ZNF423: variants seen among roughly 807,000 people sequenced by gnomAD.
The protein encoded by ZNF423 is zinc finger protein 423, also known as Ebf-associated zinc finger protein.
In ZNF423, 12 loss-of-function variants were observed where a neutral mutation model predicts 95.8. The ratio of observed to expected loss-of-function variants is 0.13; its 90% CI spans 0.08 to 0.20. ZNF423 has a LOEUF of 0.20. Among genes scored for constraint, ZNF423 ranks in the 10% least tolerant of loss-of-function variants. ZNF423 has a pLI of 1.00. For missense variants in ZNF423, 1,316 were observed against 1,737.1 expected (o/e 0.76, Z 4.31); for synonymous variants, 749 against 711.9 (o/e 1.05, Z -0.83).
At chr16:49,625,412 C>T (rs1450949507) in intron 5 of ZNF423, among the ~76,000 whole-genome samples, 3 of 152,220 alleles carry the variant, frequency 2.0e-5, no homozygotes, top group Non-Finnish European at 4.4e-5. Context: ...ACTGCTCAGA[C>T]TAGAGTCTTG....
intron 1 of ZNF423, among the ~76,000 whole-genome samples, chr16:49,851,044 C>T (rs931337071): frequency 2.0e-5 from 3 of 152,212 alleles, no homozygotes; most frequent in African/African-American, 7.2e-5. Context: ...CCCTTTGGTA[C>T]CCTACAGACC....
At chr16:49,587,960 C>A (rs896677300) in intron 5 of ZNF423, among the ~76,000 whole-genome samples, 3 of 152,168 alleles carry the variant, frequency 2.0e-5, no homozygotes, top group Admixed American at 6.5e-5. Context: ...CCAGGACAGG[C>A]AATCACTTCC....
upstream of ZNF423, among the ~76,000 whole-genome samples, chr16:49,856,478 AT>A (rs1463327173): frequency 4.7e-5 from 7 of 150,436 alleles, no homozygotes; most frequent in South Asian, 1.3e-3. Flanking sequence ...ACAAAAAAAA[AT>A]AATAAATATT....
At chr16:49,607,983 C>T (rs1266839827) in intron 5 of ZNF423, among the ~76,000 whole-genome samples, 7 of 152,204 alleles carry the variant, frequency 4.6e-5, no homozygotes, top group Admixed American at 4.6e-4. Flanking sequence ...TAGCCCTAGG[C>T]ATCAATGACT....
At chr16:49,693,338 T>C (rs1368341587) in intron 3 of ZNF423, among the ~76,000 whole-genome samples, 2 of 152,184 alleles carry the variant, frequency 1.3e-5, no homozygotes, top group Admixed American at 6.5e-5. Flanking sequence ...AAACTGAGGC[T>C]AAGAGAATTA....
At chr16:49,815,880 AAAT>A (rs1161220288) in intron 1 of ZNF423, among the ~76,000 whole-genome samples, 8 of 63,836 alleles carry the variant, frequency 1.3e-4, no homozygotes, top group Non-Finnish European at 1.6e-4. Context: ...CAAAAAAAAA[AAAT>A]ATATATATAT....
chr16:49,620,132 TACACACACACACACACAC>T (rs56739115), intron 5 of ZNF423, among the ~76,000 whole-genome samples: 1 of 143,776 alleles, frequency 7.0e-6, no homozygotes, highest in African/African-American at 2.6e-5. Context: ...CTCTCTCTTC[TACACACACACACACACAC>T]ACACACACAC....
At chr16:49,838,489 G>A (rs1286059323) in intron 1 of ZNF423, among the ~76,000 whole-genome samples, 1 of 152,194 alleles carries the variant, frequency 6.6e-6, no homozygotes, top group Non-Finnish European at 1.5e-5. Context: ...GGATGTACCA[G>A]GGAATGGCCC....
chr16:49,752,623 C>T (rs901503730), intron 2 of ZNF423, among the ~76,000 whole-genome samples: 5 of 152,190 alleles, frequency 3.3e-5, no homozygotes, highest in African/African-American at 7.2e-5. Flanking sequence ...ACAGACCCCA[C>T]GGGCTGATCA....
At chr16:49,790,143 C>T (rs938796666) in intron 1 of ZNF423, among the ~76,000 whole-genome samples, 2 of 152,232 alleles carry the variant, frequency 1.3e-5, no homozygotes, top group Non-Finnish European at 2.9e-5. Flanking sequence ...CACAGCATAA[C>T]AACACTCTTG....
chr16:49,731,193 G>T, intron 2 of ZNF423: 2 of 543,428 alleles, frequency 3.7e-6, no homozygotes, highest in Non-Finnish European at 4.7e-6. Flanking sequence ...TCTTCTAGGG[G>T]GATTTCCTGT....
chr16:49,703,352 T>G (rs981358936), intron 3 of ZNF423, among the ~76,000 whole-genome samples: 2 of 152,238 alleles, frequency 1.3e-5, no homozygotes, highest in African/African-American at 2.4e-5. Flanking sequence ...GACTTCAATT[T>G]AATTTTTAGG....
intron 5 of ZNF423, among the ~76,000 whole-genome samples, chr16:49,544,814 G>A (rs184857140): frequency 1.9e-4 from 29 of 152,376 alleles, no homozygotes; most frequent in South Asian, 2.1e-4. Context: ...ACATCAAGAC[G>A]TAACTCCAGG....
chr16:49,790,892 C>A (rs892206233), intron 1 of ZNF423, among the ~76,000 whole-genome samples: 24 of 152,170 alleles, frequency 1.6e-4, no homozygotes, highest in Non-Finnish European at 8.8e-5. Context: ...AGGGTAACTG[C>A]CCCCATAATA....
intron 3 of ZNF423, among the ~76,000 whole-genome samples, chr16:49,718,300 G>A (rs2032766081): frequency 6.6e-6 from 1 of 152,148 alleles, no homozygotes; most frequent in African/African-American, 2.4e-5. Flanking sequence ...CAGCTACTCA[G>A]GAGGCTGAGG....
At chr16:49,800,833 G>A (rs186523683) in intron 1 of ZNF423, among the ~76,000 whole-genome samples, 6 of 152,348 alleles carry the variant, frequency 3.9e-5, no homozygotes, top group African/African-American at 1.2e-4. Context: ...GGCCAGGGCA[G>A]ATGTTTCCAA....
intron 3 of ZNF423, among the ~76,000 whole-genome samples, chr16:49,680,588 G>A (rs2031310537): frequency 6.6e-6 from 1 of 152,134 alleles, no homozygotes; most frequent in African/African-American, 2.4e-5. Context: ...CAAGCTTCCG[G>A]ACACCACTGC....
At chr16:49,643,594 AGTG>A (rs1973057041) in intron 3 of ZNF423, among the ~76,000 whole-genome samples, 1 of 140,818 alleles carries the variant, frequency 7.1e-6, no homozygotes, top group Non-Finnish European at 1.5e-5. Context: ...GAGAAAATCA[AGTG>A]GGAAGTACAA....
chr16:49,818,384 C>T (rs1420454305), intron 1 of ZNF423, among the ~76,000 whole-genome samples: 1 of 152,044 alleles, frequency 6.6e-6, no homozygotes. Flanking sequence ...GTCGCTACTA[C>T]CCTCATGTGA....
Sources: allele counts gnomAD v4.1 joint callset (sites outside exome capture counted in the v4.1 genomes callset), GRCh38; gene constraint gnomAD v4.1.1; transcripts MANE v1.5; gene names NCBI Gene and HGNC (gene_info 2026-07-23, HGNC 2026-07-21).